Variants in PRKN observed in about 807,000 individuals in gnomAD.
PRKN encodes the protein E3 ubiquitin-protein ligase parkin.
A neutral mutation model predicts 59.5 loss-of-function variants in PRKN; 56 were observed. The ratio of observed to expected loss-of-function variants is 0.94; its 90% CI spans 0.76 to 1.18. The LOEUF is 1.18. Among genes scored for constraint, PRKN ranks in the 50% most tolerant of loss-of-function variants. The pLI, the probability that PRKN is intolerant of heterozygous loss-of-function variation, is 0.00. For synonymous variants in PRKN, 250 were observed against 222.1 expected (o/e 1.13, Z -1.12); for missense variants, 657 against 596.4 (o/e 1.10, Z -1.06).
intron 3 of PRKN, among the ~76,000 whole-genome samples, chr6:162,255,599 T>C (rs1273471387): frequency 6.6e-6 from 1 of 152,156 alleles, no homozygotes; most frequent in East Asian, 1.9e-4. Flanking sequence ...AGATCACACT[T>C]TGGACTGCAA....
intron 6 of PRKN, among the ~76,000 whole-genome samples, chr6:161,896,454 C>T (rs914250434): frequency 6.6e-6 from 1 of 152,184 alleles, no homozygotes; most frequent in African/African-American, 2.4e-5. Flanking sequence ...TCCAGCCACA[C>T]CTACCAAGAT....
chr6:162,606,595 G>A (rs1781926089), intron 1 of PRKN, among the ~76,000 whole-genome samples: 1 of 152,234 alleles, frequency 6.6e-6, no homozygotes, highest in Non-Finnish European at 1.5e-5. Flanking sequence ...TAGGGATAGT[G>A]ATGGGGAAGA....
intron 1 of PRKN, among the ~76,000 whole-genome samples, chr6:162,536,701 C>G (rs1778735543): frequency 1.3e-5 from 2 of 152,078 alleles, no homozygotes; most frequent in African/African-American, 4.8e-5. Flanking sequence ...AGCAGAAAAG[C>G]TCAAGCTCAG....
intron 10 of PRKN, among the ~76,000 whole-genome samples, chr6:161,375,019 G>A (rs763172195): frequency 4.6e-5 from 7 of 152,124 alleles, no homozygotes; most frequent in Non-Finnish European, 1.0e-4. Context: ...AGGCTGCACT[G>A]TGGCCGTGCA....
At chr6:162,371,285 G>T (rs1785752934) in intron 2 of PRKN, among the ~76,000 whole-genome samples, 1 of 152,126 alleles carries the variant, frequency 6.6e-6, no homozygotes, top group South Asian at 2.1e-4. Context: ...CACCCTGCAG[G>T]TAATAGGAAC....
chr6:162,250,236 G>A (rs1364041067), intron 3 of PRKN, among the ~76,000 whole-genome samples: 1 of 152,058 alleles, frequency 6.6e-6, no homozygotes, highest in African/African-American at 2.4e-5. Context: ...ACTTAGAAAT[G>A]GGCCAAATAG....
intron 7 of PRKN, among the ~76,000 whole-genome samples, chr6:161,735,713 G>A (rs762033705): frequency 6.6e-6 from 1 of 152,008 alleles, no homozygotes; most frequent in Non-Finnish European, 1.5e-5. Flanking sequence ...TCAGGAATTC[G>A]AGACCAGTCT....
chr6:161,976,483 C>T (rs1339771303), intron 5 of PRKN, among the ~76,000 whole-genome samples: 1 of 152,188 alleles, frequency 6.6e-6, no homozygotes, highest in African/African-American at 2.4e-5. Flanking sequence ...GGACCTTCCC[C>T]ACAGCAGCAT....
At chr6:161,742,828 G>A (rs551872283) in intron 7 of PRKN, among the ~76,000 whole-genome samples, 1 of 152,278 alleles carries the variant, frequency 6.6e-6, no homozygotes, top group South Asian at 2.1e-4. Flanking sequence ...GGACCACACA[G>A]CTGGTGAATG....
intron 7 of PRKN, among the ~76,000 whole-genome samples, chr6:161,632,526 C>T (rs544223691): frequency 2.0e-5 from 3 of 152,218 alleles, no homozygotes; most frequent in Non-Finnish European, 4.4e-5. Flanking sequence ...TTTTTAGTCA[C>T]ATTTTGAAAT....
At chr6:162,168,948 T>C (rs1463248944) in intron 4 of PRKN, among the ~76,000 whole-genome samples, 4 of 152,226 alleles carry the variant, frequency 2.6e-5, no homozygotes, top group African/African-American at 4.8e-5. Flanking sequence ...ATTGTTCTGA[T>C]ACGTATTTCT....
At chr6:162,602,252 GAA>G (rs1269097806) in intron 1 of PRKN, among the ~76,000 whole-genome samples, 1 of 152,166 alleles carries the variant, frequency 6.6e-6, no homozygotes, top group Non-Finnish European at 1.5e-5. Flanking sequence ...GAGAGGGAGA[GAA>G]GAGAGAAGAG....
In PRKN at chr6:161,561,008, C is replaced by T. The variant is rs947271571; in HGVS notation, c.933+8347G>A. Among the ~76,000 whole-genome samples, 8 of 152,162 alleles carry T rather than the reference C, an allele frequency of 5.3e-5. No homozygotes were observed. The highest frequency in any genetic ancestry group is 1.7e-4 in the African/African-American group (7 of 41,426). The stretch of plus-strand genomic sequence containing the variant: ...AGCCCTGCAGCTGGACACAATGGCA[C>T]GATGACTTTCTCTTAAATAATGGAC... On this transcript the variant is annotated intron_variant, in intron 8 of 11. Transcript: ENST00000366898. The surrounding 1 kb of genome is among the most constrained non-coding windows in gnomAD (Gnocchi z 5.0).
At chr6:162,727,256 A>G in intron 1 of PRKN, 1 of 213,808 alleles carries the variant, frequency 4.7e-6, no homozygotes, top group African/African-American at 2.4e-5. Context: ...TGGGTCCTGA[A>G]CCGCACCACA....
chr6:162,019,998 G>A (rs889513501), intron 5 of PRKN, among the ~76,000 whole-genome samples: 8 of 151,008 alleles, frequency 5.3e-5, no homozygotes, highest in African/African-American at 1.5e-4. Context: ...CAGCCTGGGC[G>A]ACAAGAGCAA....
At chr6:161,804,590 A>G (rs1439418770) in intron 6 of PRKN, among the ~76,000 whole-genome samples, 1 of 152,242 alleles carries the variant, frequency 6.6e-6, no homozygotes, top group Non-Finnish European at 1.5e-5. Context: ...ACTCTGGTGT[A>G]TTGAAGAGAT....
chr6:161,998,063 A>G (rs1021772816), intron 5 of PRKN, among the ~76,000 whole-genome samples: 1 of 152,212 alleles, frequency 6.6e-6, no homozygotes, highest in African/African-American at 2.4e-5. Flanking sequence ...ATTAAAAAAC[A>G]TAAAACATAT....
intron 2 of PRKN, among the ~76,000 whole-genome samples, chr6:162,270,509 G>A (rs1346698593): frequency 1.3e-5 from 2 of 151,984 alleles, no homozygotes; most frequent in Non-Finnish European, 2.9e-5. Flanking sequence ...TAACTTATGG[G>A]AAAAAAATCA....
chr6:161,425,996 G>A (rs1490391012), intron 9 of PRKN, among the ~76,000 whole-genome samples: 2 of 152,110 alleles, frequency 1.3e-5, no homozygotes, highest in Non-Finnish European at 2.9e-5. Flanking sequence ...AGTGACAGTG[G>A]AGTGTTCCCA....
Sources: allele counts gnomAD v4.1 joint callset (sites outside exome capture counted in the v4.1 genomes callset), GRCh38; gene constraint gnomAD v4.1.1; non-coding constraint Gnocchi (gnomAD v3.1); transcripts MANE v1.5; gene names NCBI Gene and HGNC (gene_info 2026-07-23, HGNC 2026-07-21).